Variants in MEP1B observed in about 807,000 individuals in gnomAD.
The protein encoded by MEP1B is meprin A subunit beta.
Under a neutral mutation model 84.6 loss-of-function variants are expected in MEP1B, and 80 were observed. The ratio of observed to expected loss-of-function variants is 0.95; its 90% CI spans 0.79 to 1.14. The LOEUF (loss-of-function observed/expected upper bound fraction) is 1.14, where lower values mean the gene tolerates loss of function less well. Ranked by LOEUF, MEP1B falls within the 50% of genes most tolerant of loss-of-function variation. The probability of loss-of-function intolerance (pLI) is 0.00; values close to 1 mark genes in which losing one functional copy is unlikely to be tolerated. For synonymous variants in MEP1B, 273 were observed against 288.1 expected, an observed-to-expected ratio of 0.95 and a Z score of 0.53; for missense variants, 766 against 855.1, an observed-to-expected ratio of 0.90 and a Z score of 1.30.
intron 9 of MEP1B, among the ~76,000 whole-genome samples, chr18:32,209,881 T>C (rs780245196): frequency 1.3e-5 from 2 of 152,100 alleles, no homozygotes; most frequent in Non-Finnish European, 2.9e-5. Context: ...CTGTCCGCAG[T>C]GTGTGTTCAC....
At chr18:32,206,479 G>A (rs1401685209) in intron 7 of MEP1B, among the ~76,000 whole-genome samples, 1 of 150,976 alleles carries the variant, frequency 6.6e-6, no homozygotes, top group Non-Finnish European at 1.5e-5. Context: ...ACCCAGGCTG[G>A]AGTGCAGTGG....
intron 12 of MEP1B, 33 bp from the exon 13 acceptor site, chr18:32,216,958 G>T: frequency 6.3e-7 from 1 of 1,599,866 alleles, no homozygotes; most frequent in South Asian, 1.1e-5. Context: ...AACAAAAGCT[G>T]ATTTCCATCC....
intron 5 of MEP1B, among the ~76,000 whole-genome samples, chr18:32,198,044 T>C (rs953338234): frequency 6.6e-6 from 1 of 152,164 alleles, no homozygotes; most frequent in Non-Finnish European, 1.5e-5. Context: ...CTCACATAAA[T>C]CAAAAGTGAA....
chr18:32,218,229 T>C (rs552386218), intron 14 of MEP1B, among the ~76,000 whole-genome samples: 1 of 151,748 alleles, frequency 6.6e-6, no homozygotes, highest in South Asian at 2.1e-4. Context: ...TTTCCTGGAG[T>C]GTGGGGTGGT....
rs144707040 is a variant in MEP1B at position 32,211,753 on chromosome 18, G to C, written c.1135+1037G>C. Reference sequence around the variant, plus strand: ...TGGTTAAGGGGGTGACTGAGAAAGGGAGGGGCTGTGGGCTGGCAAATATAT... The same window carrying C: ...TGGTTAAGGGGGTGACTGAGAAAGGCAGGGGCTGTGGGCTGGCAAATATAT... On this transcript the variant is annotated intron_variant, in intron 10 of 14. Transcript: ENST00000269202. 1.2e-3 allele frequency among the ~76,000 whole-genome samples: 181 copies of C among 152,252 alleles called. 1 individual carries two copies. The Middle Eastern group carries it at 0.014, about 11-fold the overall frequency.
intron 1 of MEP1B, among the ~76,000 whole-genome samples, 178 bp downstream of exon 1, chr18:32,190,311 C>T (rs1598884315): frequency 1.3e-5 from 2 of 151,946 alleles, no homozygotes; most frequent in African/African-American, 4.8e-5. Flanking sequence ...CAAATAGCCA[C>T]ACCAGAGTAG....
At position 32,192,666 on chromosome 18, in the gene MEP1B, C is replaced by T. The variant is rs369961041; in HGVS notation, c.103C>T (p.Gln35Ter). ...CAAAGATGTAGATGGCGGAATGGAC[C>T]AGGACATATTTGATATCAATGAAGG... Reference protein sequence around the residue: ...ENFDVDGGMDQDIFDINEGLG... With the variant: ...ENFDVDGGMD Residue 35 changes from glutamine (Q) to a stop codon, truncating the protein, a stop_gained, in exon 3 of 15, where the codon CAG becomes TAG. Transcript: ENST00000269202. LOFTEE classifies it high-confidence loss of function. The T allele has an allele frequency of 5.0e-6, 8 of 1,612,908 alleles. No individual in the cohort carries two copies. The highest frequency in any genetic ancestry group is 1.3e-5 in the African/African-American group (1 of 74,816).
In MEP1B at chr18:32,211,286, TAAAATAAAATA is replaced by T. The variant is rs1598895533; in HGVS notation, c.1135+582_1135+592del. Among the ~76,000 whole-genome samples, 4 of 151,508 alleles carry T rather than the reference TAAAATAAAATA, an allele frequency of 2.6e-5. No individual in the cohort carries two copies. In the East Asian group the frequency reaches 5.8e-4, roughly 22 times the overall value. ...TCCATCTCTGAAAAAATAAATAAAA[TAAAATAAAATA>T]AAAATAAAATACATAAAAATACAAT... On this transcript the variant is annotated intron_variant, in intron 10 of 14. Coordinates refer to ENST00000269202, the MANE Select transcript of MEP1B (RefSeq NM_005925.3).
rs749482028 is a variant in MEP1B, at chr18:32,207,253, CAG to C, written c.554_555del (p.Glu185AlafsTer4). On this transcript the variant is annotated frameshift_variant and splice_region_variant, in exon 8 of 15. Transcript: ENST00000269202. LOFTEE classifies it high-confidence loss of function. ...RIMWDRILSG[R>X]EHNFNTYSDD... The stretch of plus-strand genomic sequence containing the variant: ...AAAGATTTTTTATTTATCCTTTAGG[CAG>C]AGAGCACAATTTTAACACCTATAGT... The C allele has an allele frequency of 2.5e-6, 4 of 1,596,832 alleles. No individual in the cohort carries two copies. The East Asian group carries it at 9.0e-5, about 36-fold the overall frequency.
intron 11 of MEP1B, 82 bp downstream of exon 11, chr18:32,213,641 CAGTT>C (rs369996399): frequency 6.7e-6 from 7 of 1,042,228 alleles, no homozygotes; most frequent in African/African-American, 6.3e-5. Flanking sequence ...AGGGATTGCA[CAGTT>C]AGTTACCTAG....
At chr18:32,202,302 C>T (rs1279222740) in intron 5 of MEP1B, among the ~76,000 whole-genome samples, 1 of 152,200 alleles carries the variant, frequency 6.6e-6, no homozygotes, top group Non-Finnish European at 1.5e-5. Flanking sequence ...TTCCACACCT[C>T]TGCCTTCTTT....
rs1431481391 is a variant in MEP1B, at chr18:32,217,983, T to A, written c.2091+18T>A. 3 of 1,611,876 alleles carry A rather than the reference T, an allele frequency of 1.9e-6. No homozygotes were observed. ...CGCAAAATGTAAGTTGAGGCTGATGTTTGATTATTCATAACCTATTGGTGA... is the reference window on the plus strand; with the variant it reads ...CGCAAAATGTAAGTTGAGGCTGATGATTGATTATTCATAACCTATTGGTGA... On this transcript the variant is annotated intron_variant, in intron 14 of 14. Coordinates refer to ENST00000269202, the MANE Select transcript of MEP1B (RefSeq NM_005925.3).
Position 32,196,401 on chromosome 18 carries a change from C to T in MEP1B, c.250+916C>T. The stretch of plus-strand genomic sequence containing the variant: ...GGTACTCAGAGCTCTCCTTGGTCTT[C>T]TCCTGGTCCTCGCCCAGCTGGGTCT... On this transcript the variant is annotated intron_variant, in intron 5 of 14. Transcript: ENST00000269202. The surrounding 1 kb of genome is among the most constrained non-coding windows in gnomAD (Gnocchi z 4.4). 1.4e-6 allele frequency: 1 copy of T among 697,650 alleles called. No individual in the cohort carries two copies. Among genetic ancestry groups the T allele is most frequent in the South Asian group, 1.5e-5 (1 of 67,436 alleles). 43.2% of individuals were successfully genotyped at this position (697,650 alleles called of 1,614,324 possible).
intron 9 of MEP1B, among the ~76,000 whole-genome samples, chr18:32,209,741 C>T (rs1170865209): frequency 6.6e-6 from 1 of 151,882 alleles, no homozygotes; most frequent in Non-Finnish European, 1.5e-5. Context: ...GAATTTCTTT[C>T]TTCCTTTTCT....
intron 5 of MEP1B, among the ~76,000 whole-genome samples, chr18:32,197,577 A>G (rs1429669757): frequency 6.6e-6 from 1 of 151,804 alleles, no homozygotes; most frequent in African/African-American, 2.4e-5. Flanking sequence ...GTGCTAGCAC[A>G]CCTGGCTAAT....
Position 32,195,463 on chromosome 18 carries a change from A to C in MEP1B, c.228A>C (p.Pro76=). The C allele has an allele frequency of 1.2e-6, 2 of 1,610,126 alleles. No individual in the cohort carries two copies. Among genetic ancestry groups the C allele is most frequent in the South Asian group, 2.2e-5 (2 of 90,772 alleles). The part of the protein sequence containing the change: ...GEKYRWPHTI[P]YVLEDSLEMN... ...AGTATAGATGGCCTCATACCATTCC[A>C]TATGTTCTAGAAGATAGCTTGGGTT... Residue 76 remains proline (P), a synonymous_variant, in exon 5 of 15, where the codon CCA becomes CCC. Coordinates refer to ENST00000269202, the MANE Select transcript of MEP1B (RefSeq NM_005925.3).
In MEP1B at chr18:32,196,032, C is replaced by A; in HGVS notation, c.250+547C>A. 1 of 391,382 alleles carries A rather than the reference C, an allele frequency of 2.6e-6. No individual in the cohort carries two copies. The highest frequency in any genetic ancestry group is 2.2e-5 in the South Asian group (1 of 44,898). The allele number at this position is 391,382 out of a possible 1,614,324, so 24.2% of individuals were successfully genotyped here. A position where few individuals can be genotyped will look rare whatever the true frequency, so the allele number is the denominator to read the frequency against. ...ATCTGCCTGTCCCTCTCTATCCCTG[C>A]AAGTTCGGGGAAGAAGGGTCATTGG... is the stretch of plus-strand genomic sequence containing the variant. On this transcript the variant is annotated intron_variant, in intron 5 of 14. Coordinates refer to ENST00000269202, the MANE Select transcript of MEP1B (RefSeq NM_005925.3). This position sits in a 1 kb window ranked among gnomAD's most constrained non-coding sequence, Gnocchi z 4.4.
Position 32,196,414 on chromosome 18 carries a change from C to A in MEP1B, c.250+929C>A. On this transcript the variant is annotated intron_variant, in intron 5 of 14. Coordinates refer to ENST00000269202, the MANE Select transcript of MEP1B (RefSeq NM_005925.3). This position sits in a 1 kb window ranked among gnomAD's most constrained non-coding sequence, Gnocchi z 4.4. ...CTCCTTGGTCTTCTCCTGGTCCTCG[C>A]CCAGCTGGGTCTTACAGAGGGTGTG... The A allele has an allele frequency of 1.4e-6, 1 of 695,898 alleles. No homozygotes were observed. Among genetic ancestry groups the A allele is most frequent in the Non-Finnish European group, 2.7e-6 (1 of 376,356 alleles). The allele number at this position is 695,898 out of a possible 1,614,324, so 43.1% of individuals were successfully genotyped here.
chr18:32,199,054 A>G (rs1232698599), intron 5 of MEP1B, among the ~76,000 whole-genome samples: 1 of 152,170 alleles, frequency 6.6e-6, no homozygotes, highest in African/African-American at 2.4e-5. Flanking sequence ...TTCAACAAGA[A>G]TGGAGAATTT....
Sources: allele counts gnomAD v4.1 joint callset (sites outside exome capture counted in the v4.1 genomes callset), GRCh38; gene constraint gnomAD v4.1.1; non-coding constraint Gnocchi (gnomAD v3.1); transcripts MANE v1.5; gene names NCBI Gene and HGNC (gene_info 2026-07-23, HGNC 2026-07-21).